The following GALNT18 variants were observed in gnomAD, a reference collection of about 807,000 sequenced individuals.
GALNT18 encodes the protein GalNAc-transferase 18.
Under a neutral mutation model 69.5 loss-of-function variants are expected in GALNT18, and 44 were observed. The ratio of observed to expected loss-of-function variants is 0.63; its 90% CI spans 0.50 to 0.81. GALNT18 has a LOEUF of 0.81. GALNT18 is among the 40% of genes least tolerant of loss of function. GALNT18 has a pLI of 0.00. For synonymous variants in GALNT18, 364 were observed against 318.2 expected (o/e 1.14, Z -1.53); for missense variants, 715 against 810.0 (o/e 0.88, Z 1.42).
In GALNT18 at chr11:11,619,081, G is replaced by GCTGTT. The variant is rs1417405043; in HGVS notation, c.235+2277_235+2278insAACAG. ...CTCAGGATGGCCCCAGCATGGCAAA[G>GCTGTT]GGAACTGTTGGTCATTGCTACACCA... On this transcript the variant is annotated intron_variant, in intron 1 of 10. Transcript: ENST00000227756. The surrounding 1 kb of genome is among the most constrained non-coding windows in gnomAD (Gnocchi z 4.9). Among the ~76,000 whole-genome samples the GCTGTT allele has an allele frequency of 3.9e-5, 6 of 152,142 alleles. No individual in the cohort carries two copies. Among genetic ancestry groups the GCTGTT allele is most frequent in the African/African-American group, 1.4e-4 (6 of 41,432 alleles).
At chr11:11,514,138 T>C (rs1857218953) in intron 1 of GALNT18, among the ~76,000 whole-genome samples, 1 of 152,200 alleles carries the variant, frequency 6.6e-6, no homozygotes, top group Non-Finnish European at 1.5e-5. Context: ...CATCCAATGA[T>C]TCCCACATCA....
At chr11:11,313,118 G>T (rs1849697138) in intron 9 of GALNT18, among the ~76,000 whole-genome samples, 1 of 152,170 alleles carries the variant, frequency 6.6e-6, no homozygotes, top group South Asian at 2.1e-4. Context: ...TAAGAAAGGG[G>T]AGAAGGGAAG....
chr11:11,594,372 G>A (rs1179964290), intron 1 of GALNT18, among the ~76,000 whole-genome samples: 2 of 152,256 alleles, frequency 1.3e-5, no homozygotes, highest in East Asian at 3.9e-4. Flanking sequence ...ATGGTTTTTA[G>A]TTGATTCACA....
At chr11:11,433,735 T>C (rs557406302) in intron 2 of GALNT18, among the ~76,000 whole-genome samples, 3 of 152,314 alleles carry the variant, frequency 2.0e-5, no homozygotes, top group African/African-American at 7.2e-5. Context: ...GCATAGTCTT[T>C]ATGGGCAGGA....
At chr11:11,578,330 C>CAA (rs57579910) in intron 1 of GALNT18, among the ~76,000 whole-genome samples, 44,810 of 120,578 alleles carry the variant, frequency 0.37, 8,733 homozygotes, top group East Asian at 0.54. Context: ...TAAAAAGAAC[C>CAA]AAAAAAAAAA....
chr11:11,567,318 T>C (rs993238873), intron 1 of GALNT18, among the ~76,000 whole-genome samples: 7 of 152,170 alleles, frequency 4.6e-5, no homozygotes, highest in Non-Finnish European at 7.4e-5. Context: ...TCTTGACTTA[T>C]TAGAAATCAA....
chr11:11,486,671 C>G, intron 1 of GALNT18, among the ~76,000 whole-genome samples: 1 of 152,210 alleles, frequency 6.6e-6, no homozygotes, highest in East Asian at 1.9e-4. Flanking sequence ...AACGGCAGTC[C>G]CTGCCTTTTC....
Position 11,340,918 on chromosome 11 carries a change from G to A in GALNT18, c.1179C>T (p.Asp393=). ...CGTTCCTGCGGACATGGGCGGTGAG[G>A]TCCTCTGTGTAGGGCTTGTGGGCTC... ...IERAHKPYTE[D]LTAHVRRNAL... Residue 393 remains aspartate (D), a synonymous_variant, in exon 7 of 11, where the codon GAC becomes GAT. Coordinates refer to ENST00000227756, the MANE Select transcript of GALNT18 (RefSeq NM_198516.3). This position sits in a 1 kb window ranked among gnomAD's most constrained non-coding sequence, Gnocchi z 4.2. 1.2e-6 allele frequency: 2 copies of A among 1,614,052 alleles called. No individual in the cohort carries two copies. Among genetic ancestry groups the A allele is most frequent in the Admixed American group, 1.7e-5 (1 of 60,022 alleles).
At chr11:11,508,295 G>A (rs1015601628) in intron 1 of GALNT18, among the ~76,000 whole-genome samples, 4 of 152,076 alleles carry the variant, frequency 2.6e-5, no homozygotes, top group African/African-American at 9.7e-5. Context: ...ATTTGAGGTA[G>A]GAGATCTTAT....
At chr11:11,568,543 C>T (rs1398581205) in intron 1 of GALNT18, among the ~76,000 whole-genome samples, 1 of 152,130 alleles carries the variant, frequency 6.6e-6, no homozygotes, top group Non-Finnish European at 1.5e-5. Context: ...TCAGCAACGC[C>T]ACTGGAGATC....
At position 11,340,100 on chromosome 11, in the gene GALNT18, T is replaced by TCGCAA. The variant is rs1554918698; in HGVS notation, c.1278+718_1278+719insTTGCG. 2.6e-5 allele frequency among the ~76,000 whole-genome samples: 4 copies of TCGCAA among 151,734 alleles called. No homozygotes were observed. The highest frequency in any genetic ancestry group is 5.9e-5 in the Non-Finnish European group (4 of 67,934). Reference sequence around the variant, plus strand: ...GGGTTGGAATCATGTGGCTGGCATCTCTCAGTAGTAGAGCTGGGTTCTCTC... The same window carrying TCGCAA: ...GGGTTGGAATCATGTGGCTGGCATCTCGCAACTCAGTAGTAGAGCTGGGTTCTCTC... On this transcript the variant is annotated intron_variant, in intron 7 of 10. Coordinates refer to ENST00000227756, the MANE Select transcript of GALNT18 (RefSeq NM_198516.3). The surrounding 1 kb of genome is among the most constrained non-coding windows in gnomAD (Gnocchi z 4.2).
At chr11:11,462,591 C>A (rs1381828831) in intron 1 of GALNT18, among the ~76,000 whole-genome samples, 1 of 152,196 alleles carries the variant, frequency 6.6e-6, no homozygotes, top group Non-Finnish European at 1.5e-5. Context: ...CCGCACCCGG[C>A]CCTTCCTTTT....
At chr11:11,478,658 T>C (rs77771513) in intron 1 of GALNT18, among the ~76,000 whole-genome samples, 16,285 of 152,298 alleles carry the variant, frequency 0.11, 1,167 homozygotes, top group East Asian at 0.25. Flanking sequence ...TTTAATTTTC[T>C]TTATAAAAGG....
rs1379952864 is a variant in GALNT18 at position 11,609,994 on chromosome 11, C to T, written c.235+11365G>A. Among the ~76,000 whole-genome samples, 4 of 152,076 alleles carry T rather than the reference C, an allele frequency of 2.6e-5. No individual in the cohort carries two copies. The East Asian group carries it at 5.8e-4, about 22-fold the overall frequency. On this transcript the variant is annotated intron_variant, in intron 1 of 10. Coordinates refer to ENST00000227756, the MANE Select transcript of GALNT18 (RefSeq NM_198516.3). ...GATCTTGTTGATGCTAAGCCTGCTC[C>T]TGGGGGAAAAAATGATGCAGCTGGC...
intron 10 of GALNT18, among the ~76,000 whole-genome samples, chr11:11,274,429 C>A (rs147043783): frequency 6.6e-6 from 1 of 152,170 alleles, no homozygotes; most frequent in African/African-American, 2.4e-5. Flanking sequence ...GCCCAGCAAG[C>A]GAAAATCCAC....
At chr11:11,367,951 T>A (rs1200886293) in intron 6 of GALNT18, among the ~76,000 whole-genome samples, 1 of 152,214 alleles carries the variant, frequency 6.6e-6, no homozygotes, top group African/African-American at 2.4e-5. Context: ...TGTGTTGTGC[T>A]ATAAACCTAG....
chr11:11,518,307 T>C (rs1016537639), intron 1 of GALNT18, among the ~76,000 whole-genome samples: 3 of 152,218 alleles, frequency 2.0e-5, no homozygotes, highest in Admixed American at 6.5e-5. Flanking sequence ...TCTAACTAAA[T>C]TGTAGAGGAA....
At position 11,496,886 on chromosome 11, in the gene GALNT18, T is replaced by A. The variant is rs749634599; in HGVS notation, c.236-47950A>T. Among the ~76,000 whole-genome samples, 40 of 152,156 alleles carry A rather than the reference T, an allele frequency of 2.6e-4. No individual in the cohort carries two copies. The highest frequency in any genetic ancestry group is 4.4e-4 in the Non-Finnish European group (30 of 68,028). ...ATCAACCACAGTAACCAGAGTGAACTTCTAGAAACACAAATCAGATCACAT... is the reference window on the plus strand; with the variant it reads ...ATCAACCACAGTAACCAGAGTGAACATCTAGAAACACAAATCAGATCACAT... On this transcript the variant is annotated intron_variant, in intron 1 of 10. Transcript: ENST00000227756. This position sits in a 1 kb window ranked among gnomAD's most constrained non-coding sequence, Gnocchi z 4.0.
intron 1 of GALNT18, among the ~76,000 whole-genome samples, chr11:11,529,170 G>A (rs900570747): frequency 3.3e-5 from 5 of 152,222 alleles, no homozygotes; most frequent in African/African-American, 1.2e-4. Flanking sequence ...GGTACCAGAT[G>A]TGATTTCATG....
Sources: gnomAD v4.1 joint callset for allele counts (sites outside exome capture counted in the v4.1 genomes callset) on GRCh38, gnomAD v4.1.1 for gene constraint, Gnocchi (gnomAD v3.1) non-coding constraint, MANE v1.5 for transcripts, NCBI Gene and HGNC (gene_info 2026-07-23, HGNC 2026-07-21) for gene names.